SEMA5A: variants seen among roughly 807,000 people sequenced by gnomAD.
SEMA5A encodes the protein semaphorin 5A, also known as semaphorin-5A.
Under a neutral mutation model 135.5 loss-of-function variants are expected in SEMA5A, and 55 were observed. The ratio of observed to expected loss-of-function variants is 0.41; its 90% CI spans 0.33 to 0.51. SEMA5A has a LOEUF of 0.51. Ranked by LOEUF, SEMA5A falls within the 20% of genes least tolerant of loss-of-function variation. SEMA5A has a pLI of 0.37. For missense variants in SEMA5A, 1,290 were observed against 1,419.9 expected, an observed-to-expected ratio of 0.91 and a Z score of 1.47; for synonymous variants, 580 against 546.5, an observed-to-expected ratio of 1.06 and a Z score of -0.85.
intron 1 of SEMA5A, among the ~76,000 whole-genome samples, chr5:9,498,129 A>G (rs1735395264): frequency 6.6e-6 from 1 of 152,204 alleles, no homozygotes; most frequent in South Asian, 2.1e-4. Flanking sequence ...TGGGCTAGTC[A>G]GTTCTTAAAG....
intron 1 of SEMA5A, among the ~76,000 whole-genome samples, chr5:9,468,138 C>T (rs1051644086): frequency 2.6e-5 from 4 of 152,186 alleles, no homozygotes; most frequent in Non-Finnish European, 5.9e-5. Flanking sequence ...GCCACAAAAA[C>T]GGCAGGGAGG....
At chr5:9,115,058 C>T (rs1320957856) in intron 15 of SEMA5A, among the ~76,000 whole-genome samples, 1 of 152,158 alleles carries the variant, frequency 6.6e-6, no homozygotes, top group Admixed American at 6.5e-5. Flanking sequence ...GAAGAGCTAA[C>T]TCAAAAAGGT....
rs1311784971 is a variant in SEMA5A at position 9,248,562 on chromosome 5, A to AAG, written c.271-10673_271-10672insCT. The stretch of plus-strand genomic sequence containing the variant: ...GTGAAGTTAACTCATACGGCAAAAA[A>AAG]AAAAAAGAAAAAAGAAAAGGACTGA... On this transcript the variant is annotated intron_variant, in intron 5 of 22. Coordinates refer to ENST00000382496, the MANE Select transcript of SEMA5A (RefSeq NM_003966.3). 1.1e-4 allele frequency among the ~76,000 whole-genome samples: 17 copies of AAG among 151,542 alleles called. 1 individual carries two copies. Among genetic ancestry groups the AAG allele is most frequent in the Non-Finnish European group, 4.4e-5 (3 of 67,904 alleles).
chr5:9,522,525 C>T (rs1193383005), intron 1 of SEMA5A, among the ~76,000 whole-genome samples: 1 of 151,890 alleles, frequency 6.6e-6, no homozygotes, highest in Non-Finnish European at 1.5e-5. Context: ...TGTGGTGAGC[C>T]GAGATTGCGC....
chr5:9,539,292 C>T (rs182492620), intron 1 of SEMA5A, among the ~76,000 whole-genome samples: 6 of 152,324 alleles, frequency 3.9e-5, no homozygotes, highest in Admixed American at 3.9e-4. Context: ...ATCAAGAGTT[C>T]ATTTGTTTTA....
intron 16 of SEMA5A, among the ~76,000 whole-genome samples, chr5:9,078,598 C>G (rs562119632): frequency 0.1 from 15,092 of 150,924 alleles, 884 homozygotes; most frequent in African/African-American, 0.15. Context: ...CACACACACA[C>G]ACACACACAC....
At chr5:9,094,579 C>G (rs1434575287) in intron 16 of SEMA5A, among the ~76,000 whole-genome samples, 1 of 152,218 alleles carries the variant, frequency 6.6e-6, no homozygotes, top group Non-Finnish European at 1.5e-5. Context: ...GTATCTCTCT[C>G]TTTTGAGTTT....
intron 5 of SEMA5A, among the ~76,000 whole-genome samples, chr5:9,304,028 G>T (rs1011890730): frequency 6.6e-6 from 1 of 152,084 alleles, no homozygotes; most frequent in Non-Finnish European, 1.5e-5. Context: ...TAAAGCCTGA[G>T]AAATTACACA....
At chr5:9,384,563 GATAGATAC>G (rs1271856267) in intron 2 of SEMA5A, among the ~76,000 whole-genome samples, 2,795 of 115,308 alleles carry the variant, frequency 0.024, 166 homozygotes, top group African/African-American at 0.033. Context: ...TAGATAGATA[GATAGATAC>G]ATAGATAGAT....
chr5:9,144,102 G>A (rs1742203931), intron 12 of SEMA5A, among the ~76,000 whole-genome samples: 2 of 152,136 alleles, frequency 1.3e-5, no homozygotes, highest in Admixed American at 1.3e-4. Flanking sequence ...ACTTCATTCA[G>A]GGAGAAACCC....
At chr5:9,434,271 G>A (rs1757956527) in intron 2 of SEMA5A, among the ~76,000 whole-genome samples, 1 of 152,216 alleles carries the variant, frequency 6.6e-6, no homozygotes, top group African/African-American at 2.4e-5. Context: ...TTTATGTCTA[G>A]TATTATCTCA....
At chr5:9,133,278 C>A (rs1204291969) in intron 13 of SEMA5A, among the ~76,000 whole-genome samples, 3 of 152,132 alleles carry the variant, frequency 2.0e-5, no homozygotes, top group Non-Finnish European at 2.9e-5. Flanking sequence ...TTCTAAGAGA[C>A]AGATTTTTAG....
intron 8 of SEMA5A, among the ~76,000 whole-genome samples, chr5:9,208,652 G>C (rs1350085561): frequency 6.6e-6 from 1 of 152,156 alleles, no homozygotes; most frequent in Non-Finnish European, 1.5e-5. Flanking sequence ...AAGACCATAA[G>C]GCTGGCAAGG....
intron 11 of SEMA5A, among the ~76,000 whole-genome samples, chr5:9,170,101 G>C (rs891415758): frequency 3.3e-5 from 5 of 152,164 alleles, no homozygotes; most frequent in Non-Finnish European, 7.4e-5. Flanking sequence ...AGTCAGGAGT[G>C]ACAATGCCCC....
chr5:9,305,708 G>GTATATATATATATATATATATATATA (rs146829804), intron 5 of SEMA5A, among the ~76,000 whole-genome samples: 15 of 139,246 alleles, frequency 1.1e-4, no homozygotes, highest in African/African-American at 3.6e-4. Context: ...GTGTGTGTGC[G>GTATATATATATATATATATATATATA]TATATATATA....
chr5:9,399,310 T>C (rs980301826), intron 2 of SEMA5A, among the ~76,000 whole-genome samples: 6 of 152,222 alleles, frequency 3.9e-5, no homozygotes, highest in African/African-American at 1.2e-4. Flanking sequence ...ATAATGTGGA[T>C]GCTATAACAT....
intron 2 of SEMA5A, among the ~76,000 whole-genome samples, chr5:9,419,674 G>T (rs1757397761): frequency 6.6e-6 from 1 of 152,104 alleles, no homozygotes; most frequent in African/African-American, 2.4e-5. Context: ...GTTTCCTAGG[G>T]CATGCATGCA....
intron 13 of SEMA5A, among the ~76,000 whole-genome samples, chr5:9,125,946 G>A (rs1029419416): frequency 2.0e-5 from 3 of 152,132 alleles, no homozygotes; most frequent in Non-Finnish European, 4.4e-5. Flanking sequence ...GTGAGCAAAC[G>A]TAGTTCCTAT....
chr5:9,156,857 G>T (rs1163467576), intron 11 of SEMA5A, among the ~76,000 whole-genome samples: 3 of 152,202 alleles, frequency 2.0e-5, no homozygotes, highest in Non-Finnish European at 4.4e-5. Flanking sequence ...ATGTCAATAT[G>T]CTCATATGTA....
Sources: allele counts gnomAD v4.1 joint callset (sites outside exome capture counted in the v4.1 genomes callset), GRCh38; gene constraint gnomAD v4.1.1; transcripts MANE v1.5; gene names NCBI Gene and HGNC (gene_info 2026-07-23, HGNC 2026-07-21).